The following SYNE2 variants were observed in gnomAD, a reference collection of about 807,000 sequenced individuals.
The protein encoded by SYNE2 is spectrin repeat containing nuclear envelope protein 2.
A neutral mutation model predicts 856.3 loss-of-function variants in SYNE2; 431 were observed. The ratio of observed to expected loss-of-function variants is 0.50; its 90% CI spans 0.47 to 0.55. The LOEUF (loss-of-function observed/expected upper bound fraction) is 0.55, where lower values mean the gene tolerates loss of function less well. Among genes scored for constraint, SYNE2 ranks in the 20% least tolerant of loss-of-function variants. The probability of loss-of-function intolerance (pLI) is 0.00; values close to 1 mark genes in which losing one functional copy is unlikely to be tolerated. For missense variants in SYNE2, 8,129 were observed against 8,023.2 expected (o/e 1.01, Z -0.50); for synonymous variants, 2,923 against 2,872.3 (o/e 1.02, Z -0.56).
At chr14:63,839,104 A>G (rs1889958886) in intron 1 of SYNE2, among the ~76,000 whole-genome samples, 1 of 151,658 alleles carries the variant, frequency 6.6e-6, no homozygotes, top group African/African-American at 2.4e-5. Flanking sequence ...ATCTTGGCTC[A>G]CTGCAACCTC....
chr14:64,224,461 A>G lies in SYNE2; in HGVS notation c.20383A>G (p.Asn6795Asp). 6.2e-7 allele frequency: 1 copy of G among 1,609,544 alleles called. No homozygotes were observed. The highest frequency in any genetic ancestry group is 8.5e-7 in the Non-Finnish European group (1 of 1,177,260). Reference sequence around the variant, plus strand: ...TCAACCTTTGGGGTCTGAATTTCAGAACCCAGCCTCACCCCTGCCCAGCTT... The same window carrying G: ...TCAACCTTTGGGGTCTGAATTTCAGGACCCAGCCTCACCCCTGCCCAGCTT... ...QDLMALQGTQ[N>D]PASPLPSFDE... Residue 6795 changes from asparagine to aspartate, a missense_variant and splice_region_variant, in exon 114 of 116, where the codon AAC (asparagine) becomes GAC (aspartate). By Grantham distance (23) the Asn-to-Asp change is conservative (BLOSUM62 1). Around this residue, in one of 3 missense-constraint regions of SYNE2, gnomAD observed 5,410 missense variants for 5,284.8 expected, o/e 1.02. Coordinates refer to ENST00000555002, the MANE Select transcript of SYNE2 (RefSeq NM_182914.3).
intron 103 of SYNE2, among the ~76,000 whole-genome samples, chr14:64,211,409 T>C (rs1280630192): frequency 6.6e-6 from 1 of 152,234 alleles, no homozygotes; most frequent in Non-Finnish European, 1.5e-5. Context: ...TAATTGGAGA[T>C]GATACAACTG....
chr14:63,862,032 G>A (rs7145689), intron 1 of SYNE2, among the ~76,000 whole-genome samples: 5,339 of 152,124 alleles, frequency 0.035, 190 homozygotes, highest in African/African-American at 0.086. Flanking sequence ...TATCCCACCC[G>A]TGCTGGATTA....
chr14:64,204,670 A>T lies in SYNE2; in HGVS notation c.18201+1707A>T, dbSNP rs138184811. Among the ~76,000 whole-genome samples, 162 of 152,130 alleles carry T rather than the reference A, an allele frequency of 1.1e-3. 5 individuals carry two copies. In the East Asian group the frequency reaches 0.028, roughly 26 times the overall value. On this transcript the variant is annotated intron_variant, in intron 100 of 115. Transcript: ENST00000555002. Reference sequence around the variant, plus strand: ...TAGAATTCAGCATCACCTTAGTGACATTTCTATCCCTTGGTTACTTAAAAA... The same window carrying T: ...TAGAATTCAGCATCACCTTAGTGACTTTTCTATCCCTTGGTTACTTAAAAA...
intron 2 of SYNE2, among the ~76,000 whole-genome samples, chr14:63,923,188 A>C (rs915720636): frequency 6.6e-5 from 10 of 152,180 alleles, no homozygotes; most frequent in African/African-American, 2.4e-4. Flanking sequence ...ATAGCACCCA[A>C]CTTCTAGACT....
intron 99 of SYNE2, among the ~76,000 whole-genome samples, chr14:64,196,013 A>T (rs1426189210): frequency 1.3e-5 from 2 of 152,168 alleles, no homozygotes; most frequent in Non-Finnish European, 2.9e-5. Flanking sequence ...AGGAAAGAGG[A>T]TAATGAGCAA....
chr14:64,177,341 ATCTTGTTTTC>A lies in SYNE2; in HGVS notation c.17431-16_17431-7del, dbSNP rs764016331. The A allele has an allele frequency of 6.2e-7, 1 of 1,614,044 alleles. No homozygotes were observed. The highest frequency in any genetic ancestry group is 1.3e-5 in the African/African-American group (1 of 74,932). On this transcript the variant is annotated splice_region_variant and splice_polypyrimidine_tract_variant and intron_variant, in intron 95 of 115. Coordinates refer to ENST00000555002, the MANE Select transcript of SYNE2 (RefSeq NM_182914.3). Reference sequence around the variant, plus strand: ...AAGAGCAAAATACTTACCAGTTTTAATCTTGTTTTCAAATAGACCTGGGACCAGTGTGAAA... The same window carrying A: ...AAGAGCAAAATACTTACCAGTTTTAAAAATAGACCTGGGACCAGTGTGAAA...
At chr14:64,082,117 C>T (rs959014233) in intron 57 of SYNE2, among the ~76,000 whole-genome samples, 1 of 151,882 alleles carries the variant, frequency 6.6e-6, no homozygotes, top group Non-Finnish European at 1.5e-5. Context: ...TAGGATAGTG[C>T]TGATGGTTTT....
At chr14:63,862,285 A>G (rs930859347) in intron 1 of SYNE2, among the ~76,000 whole-genome samples, 2 of 152,220 alleles carry the variant, frequency 1.3e-5, no homozygotes, top group African/African-American at 4.8e-5. Flanking sequence ...CTAAAAGTAT[A>G]CTTTTTTTGT....
Position 64,163,676 on chromosome 14 carries a change from T to TGCTCCTTA in SYNE2, c.16479+98_16479+105dup, listed in dbSNP as rs1337900087. The TGCTCCTTA allele has an allele frequency of 2.6e-5, 38 of 1,447,034 alleles. No individual in the cohort carries two copies. In the East Asian group the frequency reaches 7.1e-4, roughly 27 times the overall value. The allele number at this position is 1,447,034 out of a possible 1,614,324, so 89.6% of individuals were successfully genotyped here. A position where few individuals can be genotyped will look rare whatever the true frequency, so the allele number is the denominator to read the frequency against. The stretch of plus-strand genomic sequence containing the variant: ...TTTGAAGCAGTAGTGCTTTACGGGC[T>TGCTCCTTA]GCTCCTTAGCAAAATTACAGACTGA... On this transcript the variant is annotated intron_variant, in intron 89 of 115. Transcript: ENST00000555002.
chr14:64,172,096 C>T (rs1181689995), intron 94 of SYNE2, among the ~76,000 whole-genome samples: 1 of 152,170 alleles, frequency 6.6e-6, no homozygotes, highest in Non-Finnish European at 1.5e-5. Flanking sequence ...GGTGATCCAC[C>T]CACCTCAGCT....
intron 1 of SYNE2, among the ~76,000 whole-genome samples, chr14:63,903,983 C>T (rs2095373747): frequency 6.6e-6 from 1 of 152,074 alleles, no homozygotes; most frequent in Non-Finnish European, 1.5e-5. Flanking sequence ...CTCCCTTCAC[C>T]CCTCTGGAAG....
intron 11 of SYNE2, among the ~76,000 whole-genome samples, chr14:63,976,160 A>G (rs2096541182): frequency 6.6e-6 from 1 of 152,172 alleles, no homozygotes; most frequent in African/African-American, 2.4e-5. Context: ...GAGAGGGAAG[A>G]AGTTATAAAT....
chr14:63,974,786 A>ATATATGTG (rs1238392788), intron 11 of SYNE2, among the ~76,000 whole-genome samples: 2,422 of 73,290 alleles, frequency 0.033, 94 homozygotes, highest in African/African-American at 0.15. Context: ...ATATGTGTGT[A>ATATATGTG]TATATATGTG....
chr14:63,994,543 G>A (rs567648909), intron 22 of SYNE2, among the ~76,000 whole-genome samples: 160 of 152,278 alleles, frequency 1.1e-3, no homozygotes, highest in African/African-American at 3.7e-3. Context: ...TCTGTTATCA[G>A]CATCTTACCT....
chr14:64,174,932 T>G lies in SYNE2; in HGVS notation c.17236-12T>G. The G allele has an allele frequency of 6.2e-7, 1 of 1,613,434 alleles. No homozygotes were observed. Among genetic ancestry groups the G allele is most frequent in the Non-Finnish European group, 8.5e-7 (1 of 1,179,476 alleles). ...AGAAACCTAAGCAAATTACTTCTCT[T>G]TTTTTTCTTAGAATAAAGAAATTCA... On this transcript the variant is annotated splice_polypyrimidine_tract_variant and intron_variant, in intron 94 of 115. Transcript: ENST00000555002.
chr14:63,888,265 T>A (rs756662845), intron 1 of SYNE2, among the ~76,000 whole-genome samples: 2 of 152,184 alleles, frequency 1.3e-5, no homozygotes, highest in Non-Finnish European at 2.9e-5. Flanking sequence ...TGCCCCCTCA[T>A]AAGACTGTTC....
intron 1 of SYNE2, among the ~76,000 whole-genome samples, chr14:63,866,931 T>C (rs1370335742): frequency 6.6e-6 from 1 of 152,160 alleles, no homozygotes; most frequent in African/African-American, 2.4e-5. Context: ...ACTTCAGCCT[T>C]GGCAATAGAG....
At chr14:64,140,628 A>G (rs1358794881) in intron 80 of SYNE2, among the ~76,000 whole-genome samples, 1 of 152,238 alleles carries the variant, frequency 6.6e-6, no homozygotes, top group Admixed American at 6.5e-5. Flanking sequence ...AATACAAAAA[A>G]TACAAGACCC....
Sources: allele counts gnomAD v4.1 joint callset (sites outside exome capture counted in the v4.1 genomes callset), GRCh38; gene constraint gnomAD v4.1.1; regional missense constraint gnomAD v4.1.1; transcripts MANE v1.5; gene names NCBI Gene and HGNC (gene_info 2026-07-23, HGNC 2026-07-21).